The following KIAA1671 variants were observed in gnomAD, a reference collection of about 807,000 sequenced individuals.
The protein encoded by KIAA1671 is KIAA1671, also known as uncharacterized protein KIAA1671.
Under a neutral mutation model 131.2 loss-of-function variants are expected in KIAA1671, and 52 were observed. The ratio of observed to expected loss-of-function variants is 0.40; its 90% confidence interval spans 0.32 to 0.50. The LOEUF is 0.50. Among genes scored for constraint, KIAA1671 ranks in the 20% least tolerant of loss-of-function variants. The probability of loss-of-function intolerance (pLI) is 0.73; values close to 1 mark genes in which losing one functional copy is unlikely to be tolerated. For synonymous variants in KIAA1671, 1,003 were observed against 961.6 expected, an observed-to-expected ratio of 1.04 and a Z score of -0.80; for missense variants, 2,360 against 2,364.2, an observed-to-expected ratio of 1.00 and a Z score of 0.04.
chr22:25,188,609 G>A (rs1012844108), intron 11 of KIAA1671, among the ~76,000 whole-genome samples: 2 of 152,092 alleles, frequency 1.3e-5, no homozygotes, highest in African/African-American at 2.4e-5. Flanking sequence ...ATAGCCTAGT[G>A]TTGACCAGAA....
At chr22:24,978,684 T>C (rs1011251537) in intron 1 of KIAA1671, among the ~76,000 whole-genome samples, 1 of 150,926 alleles carries the variant, frequency 6.6e-6, no homozygotes, top group Non-Finnish European at 1.5e-5. Context: ...ATCTTTTGTT[T>C]TGTTTTGTTT....
intron 6 of KIAA1671, among the ~76,000 whole-genome samples, chr22:25,117,585 CCACACACACACACACA>C (rs4049524): frequency 3.1e-4 from 39 of 123,896 alleles, no homozygotes; most frequent in Admixed American, 6.7e-4. Context: ...TCTCCCCCAA[CCACACACACACACACA>C]CACACACACA....
At chr22:25,120,880 C>T (rs980733317) in intron 6 of KIAA1671, among the ~76,000 whole-genome samples, 1 of 152,206 alleles carries the variant, frequency 6.6e-6, no homozygotes, top group Non-Finnish European at 1.5e-5. Flanking sequence ...ATTTCCCGTT[C>T]TGGGCTACCA....
chr22:25,125,255 G>T (rs575717049), intron 6 of KIAA1671, among the ~76,000 whole-genome samples: 3 of 152,300 alleles, frequency 2.0e-5, no homozygotes, highest in South Asian at 4.1e-4. Context: ...GGAAATTAAG[G>T]CTTAAAGAGT....
At position 25,193,011 on chromosome 22, in the gene KIAA1671, C is replaced by G. The variant is rs2146058968; in HGVS notation, c.*610C>G. ...ACTCTCCCTGATTATGTGTATTTCTCTTTCTAGTGGGGCTGTGTGCATCGT... is the reference window on the plus strand; with the variant it reads ...ACTCTCCCTGATTATGTGTATTTCTGTTTCTAGTGGGGCTGTGTGCATCGT... On this transcript the variant is annotated 3_prime_UTR_variant, in exon 13 of 13. Transcript: ENST00000358431. 6.6e-6 allele frequency: 1 copy of G among 152,156 alleles called. No homozygotes were observed. Among genetic ancestry groups the G allele is most frequent in the South Asian group, 2.1e-4 (1 of 4,814 alleles). 9.4% of individuals were successfully genotyped at this position (152,156 alleles called of 1,614,324 possible). A position where few individuals can be genotyped will look rare whatever the true frequency, so the allele number is the denominator to read the frequency against.
chr22:25,083,708 C>T (rs772163739), intron 6 of KIAA1671, among the ~76,000 whole-genome samples: 2 of 152,220 alleles, frequency 1.3e-5, no homozygotes, highest in Non-Finnish European at 2.9e-5. Context: ...ATACCTTTTC[C>T]ACATTCTATT....
Position 25,029,149 on chromosome 22 carries a change from A to G in KIAA1671, c.1150A>G (p.Ser384Gly). Residue 384 changes from serine to glycine, a missense_variant, in exon 3 of 13, where the codon AGT becomes GGT. By Grantham distance (56) the Ser-to-Gly change is moderately conservative (BLOSUM62 0). Transcript: ENST00000358431. ...TGGGGTCACCCCCAGCAATGACCAG[A>G]GTCCCTGGGAAGAAAAGGCCAAGCT... ...SSGVTPSNDQ[S>G]PWEEKAKLDP... 6.9e-7 allele frequency: 1 copy of G among 1,455,972 alleles called. No individual in the cohort carries two copies. Among genetic ancestry groups the G allele is most frequent in the Non-Finnish European group, 9.1e-7 (1 of 1,101,598 alleles). The allele number at this position is 1,455,972 out of a possible 1,614,324, so 90.2% of individuals were successfully genotyped here.
intron 1 of KIAA1671, among the ~76,000 whole-genome samples, chr22:24,954,384 GAC>G (rs1921580915): frequency 6.6e-6 from 1 of 152,102 alleles, no homozygotes; most frequent in Non-Finnish European, 1.5e-5. Flanking sequence ...AATTTGTACA[GAC>G]ACAAGCCCAG....
chr22:25,116,380 C>T (rs1297020782), intron 6 of KIAA1671, among the ~76,000 whole-genome samples: 1 of 143,500 alleles, frequency 7.0e-6, no homozygotes, highest in East Asian at 2.0e-4. Flanking sequence ...ACCCCCTCCA[C>T]CAGTATGTAT....
intron 6 of KIAA1671, among the ~76,000 whole-genome samples, chr22:25,101,155 C>G (rs928577006): frequency 1.3e-5 from 2 of 152,328 alleles, no homozygotes; most frequent in African/African-American, 2.4e-5. Flanking sequence ...GCCAAAGATA[C>G]CAGCAGAGCT....
At chr22:25,176,687 C>G (rs1934040042) in intron 8 of KIAA1671, 2 of 152,278 alleles carry the variant, frequency 1.3e-5, no homozygotes, top group Non-Finnish European at 2.9e-5. Flanking sequence ...GAGCCAGGCA[C>G]TTCCCATCTC....
chr22:25,185,267 T>G, intron 11 of KIAA1671, 148 bp downstream of exon 11: 1 of 907,568 alleles, frequency 1.1e-6, no homozygotes, highest in Non-Finnish European at 1.6e-6. Context: ...TCATGAGAAT[T>G]CTCAATACTC....
intron 6 of KIAA1671, among the ~76,000 whole-genome samples, chr22:25,119,002 T>C (rs974807643): frequency 6.6e-6 from 1 of 152,220 alleles, no homozygotes; most frequent in Non-Finnish European, 1.5e-5. Context: ...TCCTGGGACC[T>C]ATCTCATTCT....
At chr22:25,078,262 C>T (rs902778539) in intron 6 of KIAA1671, among the ~76,000 whole-genome samples, 3 of 152,180 alleles carry the variant, frequency 2.0e-5, no homozygotes, top group East Asian at 1.9e-4. Flanking sequence ...CAGTGGTTCA[C>T]GCCTGTAATC....
At chr22:24,956,693 C>T (rs1023151020) in intron 1 of KIAA1671, among the ~76,000 whole-genome samples, 2 of 151,746 alleles carry the variant, frequency 1.3e-5, no homozygotes, top group African/African-American at 2.4e-5. Context: ...GGTGAAACCC[C>T]GTGTCTACTA....
At chr22:25,120,688 CA>C (rs1931891111) in intron 6 of KIAA1671, among the ~76,000 whole-genome samples, 1 of 152,242 alleles carries the variant, frequency 6.6e-6, no homozygotes, top group Non-Finnish European at 1.5e-5. Context: ...CCACTCCTAG[CA>C]TTGGAATGCA....
intron 12 of KIAA1671, among the ~76,000 whole-genome samples, chr22:25,191,744 G>A (rs1345379794): frequency 6.6e-6 from 1 of 152,132 alleles, no homozygotes; most frequent in African/African-American, 2.4e-5. Context: ...ATCAAAGTCA[G>A]CGTTGATGTG....
chr22:25,069,053 A>AG (rs942960646), intron 6 of KIAA1671, among the ~76,000 whole-genome samples: 34 of 152,120 alleles, frequency 2.2e-4, no homozygotes, highest in South Asian at 2.1e-4. Context: ...GGTGTTGAGT[A>AG]GGGGATCCAG....
intron 5 of KIAA1671, among the ~76,000 whole-genome samples, chr22:25,041,972 G>A (rs1195713081): frequency 6.6e-6 from 1 of 152,122 alleles, no homozygotes; most frequent in Non-Finnish European, 1.5e-5. Flanking sequence ...TCAAACTCCT[G>A]GGCTCAAGTG....
Sources: allele counts gnomAD v4.1 joint callset (sites outside exome capture counted in the v4.1 genomes callset), GRCh38; gene constraint gnomAD v4.1.1; transcripts MANE v1.5; gene names NCBI Gene and HGNC (gene_info 2026-07-23, HGNC 2026-07-21).